The following ZPLD1 variants were observed in gnomAD, a reference collection of about 807,000 sequenced individuals.
ZPLD1 encodes the protein zona pellucida like domain containing 1.
A neutral mutation model predicts 47.2 loss-of-function variants in ZPLD1; 34 were observed. The observed-to-expected ratio is 0.72, with a 90% CI of 0.55 to 0.96. The LOEUF is 0.96. ZPLD1 is among the 40% of genes least tolerant of loss of function. The pLI, the probability that ZPLD1 is intolerant of heterozygous loss-of-function variation, is 0.00. For synonymous variants in ZPLD1, 176 were observed against 186.2 expected, an observed-to-expected ratio of 0.95 and a Z score of 0.45; for missense variants, 512 against 505.8, an observed-to-expected ratio of 1.01 and a Z score of -0.12.
At chr3:102,438,361 G>T in intron 2 of ZPLD1, 119 bp from the exon 3 acceptor site, 1 of 640,486 alleles carries the variant, frequency 1.6e-6, no homozygotes. Context: ...CGTGAGCTTT[G>T]GCTGCATGGA....
At chr3:102,440,076 T>C (rs770659677) in intron 3 of ZPLD1, among the ~76,000 whole-genome samples, 5 of 152,226 alleles carry the variant, frequency 3.3e-5, no homozygotes, top group Admixed American at 6.5e-5. Context: ...CAATGAGAGC[T>C]AGAAGTTTAA....
chr3:102,423,919 G>T (rs1706910878), intron 8 of ZPLD1, among the ~76,000 whole-genome samples: 3 of 152,162 alleles, frequency 2.0e-5, no homozygotes. Flanking sequence ...CTCTTCAGCT[G>T]TAGATCACAT....
chr3:102,443,540 T>C (rs181139608), intron 3 of ZPLD1, among the ~76,000 whole-genome samples: 1 of 152,178 alleles, frequency 6.6e-6, no homozygotes, highest in Admixed American at 6.5e-5. Flanking sequence ...AATTGCCACG[T>C]CTAAGGATCT....
intron 4 of ZPLD1, among the ~76,000 whole-genome samples, chr3:102,453,421 A>C (rs1707369568): frequency 6.6e-6 from 1 of 152,220 alleles, no homozygotes; most frequent in Admixed American, 6.5e-5. Context: ...CTGTCTCTAC[A>C]GTTTAGCATT....
chr3:102,459,088 T>C (rs1458525267), intron 6 of ZPLD1, among the ~76,000 whole-genome samples: 1 of 26,890 alleles, frequency 3.7e-5, no homozygotes, highest in Non-Finnish European at 5.3e-5. Context: ...AGACTCCGTC[T>C]CAAAAAAAAA....
intron 10 of ZPLD1, among the ~76,000 whole-genome samples, chr3:102,474,454 G>A (rs1464385702): frequency 1.3e-5 from 2 of 152,144 alleles, no homozygotes; most frequent in African/African-American, 4.8e-5. Flanking sequence ...GTAGAGAACA[G>A]GCCACAGACT....
chr3:102,471,769 A>AT (rs1475044313), intron 10 of ZPLD1, among the ~76,000 whole-genome samples: 26 of 152,216 alleles, frequency 1.7e-4, no homozygotes, highest in Non-Finnish European at 3.1e-4. Flanking sequence ...ATGTTTCTTC[A>AT]TTTTTAAAGT....
intron 7 of ZPLD1, among the ~76,000 whole-genome samples, chr3:102,403,173 T>C (rs550344940): frequency 6.6e-6 from 1 of 152,048 alleles, no homozygotes; most frequent in South Asian, 2.1e-4. Flanking sequence ...TATACCATAA[T>C]GTGCAATGGG....
intron 3 of ZPLD1, among the ~76,000 whole-genome samples, chr3:102,440,645 C>T (rs544084738): frequency 3.6e-4 from 54 of 151,016 alleles, no homozygotes; most frequent in South Asian, 4.2e-4. Flanking sequence ...GAGTTTATTC[C>T]CTGTGCAATG....
In ZPLD1 at chr3:102,470,501, T is replaced by C. The variant is rs1707665025; in HGVS notation, c.1041T>C (p.Ser347=). ...CTGCTGGTCCCATCATTACTCGGAG[T>C]GGTAAGTGTGCTCCTCCTTCTGTAT... The part of the protein sequence containing the change: ...VLSAGPIITR[S]DETPTNNSQL... Residue 347 remains serine, a splice_region_variant and synonymous_variant, in exon 10 of 12, where the codon AGT becomes AGC. Transcript: ENST00000466937. 2 of 1,613,086 alleles carry C rather than the reference T, an allele frequency of 1.2e-6. No homozygotes were observed. Among genetic ancestry groups the C allele is most frequent in the East Asian group, 4.5e-5 (2 of 44,862 alleles).
chr3:102,477,484 A>G lies in ZPLD1; in HGVS notation c.1114A>G (p.Ser372Gly), dbSNP rs144126454. Residue 372 changes from serine to glycine, a missense_variant, in exon 12 of 12, where the codon AGC (serine) becomes GGC (glycine). Coordinates refer to ENST00000466937, the MANE Select transcript of ZPLD1 (RefSeq NM_001329788.2). ...TCCCTTCCAGCTGAACGCCATCACCAGCGCACTGATATCAGGAATGGTCAT... is the reference window on the plus strand; with the variant it reads ...TCCCTTCCAGCTGAACGCCATCACCGGCGCACTGATATCAGGAATGGTCAT... ...MPPFQLNAIT[S>G]ALISGMVILG... The G allele has an allele frequency of 1.2e-6, 2 of 1,613,732 alleles. No individual in the cohort carries two copies. The highest frequency in any genetic ancestry group is 2.2e-5 in the South Asian group (2 of 91,058).
chr3:102,429,482 C>T (rs1211782733), intron 8 of ZPLD1, among the ~76,000 whole-genome samples: 4 of 152,104 alleles, frequency 2.6e-5, no homozygotes, highest in African/African-American at 9.7e-5. Context: ...AAATGTAATA[C>T]ATCATCCTTT....
rs1438240327 is a variant in ZPLD1 at position 102,477,612 on chromosome 3, T to A, written c.1242T>A (p.Phe414Leu). Residue 414 changes from phenylalanine to leucine, a missense_variant, in exon 12 of 12, where the codon TTT (phenylalanine) becomes TTA (leucine). Phe to Leu is a conservative substitution (Grantham distance 22). Transcript: ENST00000466937. ...LVLNGIRNPV[F>L]D is the part of the protein sequence containing the mutation. ...TGAATGGCATAAGAAACCCAGTCTT[T>A]GACTGACTATAACAGATTCCTGCTC... 6 of 1,612,196 alleles carry A rather than the reference T, an allele frequency of 3.7e-6. No individual in the cohort carries two copies. Among genetic ancestry groups the A allele is most frequent in the Non-Finnish European group, 4.2e-6 (5 of 1,179,140 alleles).
At position 102,468,981 on chromosome 3, in the gene ZPLD1, A is replaced by G. The variant is rs1359863121; in HGVS notation, c.779A>G (p.Gln260Arg). The G allele has an allele frequency of 1.2e-6, 2 of 1,613,530 alleles. No individual in the cohort carries two copies. The highest frequency in any genetic ancestry group is 1.7e-6 in the Non-Finnish European group (2 of 1,179,750). Residue 260 changes from glutamine (Q) to arginine (R), a missense_variant, in exon 9 of 12, where the codon CAG becomes CGG. Gln to Arg is a conservative substitution (Grantham distance 43, BLOSUM62 1). Coordinates refer to ENST00000466937, the MANE Select transcript of ZPLD1 (RefSeq NM_001329788.2). ...AAATTTAGCTGTGACAAGGACCCTCAGACCACCGTCATTGAGAATGGCCGA... is the reference window on the plus strand; with the variant it reads ...AAATTTAGCTGTGACAAGGACCCTCGGACCACCGTCATTGAGAATGGCCGA... ...DLFLSCDKDP[Q>R]TTVIENGRSQ... is the part of the protein sequence containing the mutation.
chr3:102,442,319 A>AACACACAC (rs34634788), intron 3 of ZPLD1, among the ~76,000 whole-genome samples: 9 of 139,950 alleles, frequency 6.4e-5, no homozygotes, highest in African/African-American at 1.0e-4. Flanking sequence ...TACACCCATA[A>AACACACAC]ACACACACAC....
intron 8 of ZPLD1, among the ~76,000 whole-genome samples, chr3:102,425,736 A>G (rs1413357848): frequency 6.6e-6 from 1 of 152,014 alleles, no homozygotes; most frequent in Non-Finnish European, 1.5e-5. Flanking sequence ...CTCATCCGGG[A>G]CACAAAAGCG....
intron 7 of ZPLD1, among the ~76,000 whole-genome samples, chr3:102,400,035 T>C (rs1706602187): frequency 6.6e-6 from 1 of 152,018 alleles, no homozygotes; most frequent in Admixed American, 6.6e-5. Context: ...GACAGACTGG[T>C]CTTGAACTCC....
In ZPLD1 at chr3:102,470,451, AG is replaced by A; in HGVS notation, c.992del (p.Ser331ThrfsTer37). Reference sequence around the variant, plus strand: ...GAGGAGGACGACTTGGAGCCCCCAGAGCTCTTCTGGCAGCGCGGTGCTCTCT... The same window carrying A: ...GAGGAGGACGACTTGGAGCCCCCAGACTCTTCTGGCAGCGCGGTGCTCTCT... The part of the protein sequence containing the change: ...AGRRTTWSPQ[S>X]SSGSAVLSAG... On this transcript the variant is annotated frameshift_variant, in exon 10 of 12. Coordinates refer to ENST00000466937, the MANE Select transcript of ZPLD1 (RefSeq NM_001329788.2). LOFTEE classifies it high-confidence loss of function. 3 of 1,613,926 alleles carry A rather than the reference AG, an allele frequency of 1.9e-6. No individual in the cohort carries two copies. The East Asian group carries it at 6.7e-5, about 36-fold the overall frequency.
chr3:102,399,625 G>A (rs2107290584), intron 7 of ZPLD1, among the ~76,000 whole-genome samples: 1 of 151,968 alleles, frequency 6.6e-6, no homozygotes, highest in Middle Eastern at 3.4e-3. Flanking sequence ...GCATTAAGGT[G>A]TATCTATTTG....
Sources: gnomAD v4.1 joint callset for allele counts (sites outside exome capture counted in the v4.1 genomes callset) on GRCh38, gnomAD v4.1.1 for gene constraint, MANE v1.5 for transcripts, NCBI Gene and HGNC (gene_info 2026-07-23, HGNC 2026-07-21) for gene names.